PALM2AKAP2: variants seen among roughly 807,000 people sequenced by gnomAD.
PALM2AKAP2 encodes the protein PALM2-AKAP2 fusion protein.
In PALM2AKAP2, 37 loss-of-function variants were observed where a neutral mutation model predicts 71.5. The observed-to-expected ratio is 0.52, with a 90% confidence interval of 0.40 to 0.68. PALM2AKAP2 has a LOEUF of 0.68. Among genes scored for constraint, PALM2AKAP2 ranks in the 30% least tolerant of loss-of-function variants. The pLI, the probability that PALM2AKAP2 is intolerant of heterozygous loss-of-function variation, is 0.00. For synonymous variants in PALM2AKAP2, 468 were observed against 478.8 expected (o/e 0.98, Z 0.29); for missense variants, 1,224 against 1,191.8 (o/e 1.03, Z -0.40).
chr9:109,823,306 T>C (rs1828060348), intron 1 of PALM2AKAP2, among the ~76,000 whole-genome samples: 1 of 152,140 alleles, frequency 6.6e-6, no homozygotes, highest in Non-Finnish European at 1.5e-5. Context: ...CATGGGAGGA[T>C]ATGGTTCTGA....
chr9:109,756,528 G>A (rs1265805002), intron 1 of PALM2AKAP2, among the ~76,000 whole-genome samples: 3 of 152,124 alleles, frequency 2.0e-5, no homozygotes, highest in Admixed American at 6.6e-5. Flanking sequence ...AATTTTATCA[G>A]TTTGTTCTTT....
chr9:110,047,509 A>C (rs1049368953), upstream of PALM2AKAP2, among the ~76,000 whole-genome samples: 1 of 152,206 alleles, frequency 6.6e-6, no homozygotes, highest in Non-Finnish European at 1.5e-5. Flanking sequence ...TGTGTTTCAC[A>C]TGTAAAATTG....
At position 110,022,921 on chromosome 9, in the gene PALM2AKAP2, T is replaced by C. The variant is rs534189666; in HGVS notation, c.582+6882T>C. On this transcript the variant is annotated intron_variant, in intron 7 of 9. Coordinates refer to the PALM2AKAP2 transcript ENST00000302798. ...AAGGACATGAACTCTTCATTTTTTA[T>C]GGCTGCATAGTATTCCATGGTGTAT... Among the ~76,000 whole-genome samples the C allele has an allele frequency of 2.8e-4, 43 of 152,354 alleles. 2 individuals are homozygous for C. In the South Asian group the frequency reaches 5.8e-3, roughly 21 times the overall value.
At chr9:109,771,379 G>C (rs1265089216) in intron 1 of PALM2AKAP2, among the ~76,000 whole-genome samples, 1 of 152,174 alleles carries the variant, frequency 6.6e-6, no homozygotes, top group Non-Finnish European at 1.5e-5. Flanking sequence ...CACCAAATTT[G>C]GAATGGGACG....
At chr9:109,792,716 A>G (rs539351855) in intron 1 of PALM2AKAP2, among the ~76,000 whole-genome samples, 1 of 152,126 alleles carries the variant, frequency 6.6e-6, no homozygotes, top group South Asian at 2.1e-4. Context: ...ACCCTACCAT[A>G]CCTATATAAC....
chr9:109,838,458 A>G (rs910278419), intron 1 of PALM2AKAP2, among the ~76,000 whole-genome samples: 6 of 152,344 alleles, frequency 3.9e-5, no homozygotes, highest in Admixed American at 3.3e-4. Context: ...TAACATCACA[A>G]TTAAAAGAAC....
chr9:109,977,173 A>T (rs1832187725), intron 6 of PALM2AKAP2, among the ~76,000 whole-genome samples: 1 of 152,132 alleles, frequency 6.6e-6, no homozygotes, highest in Admixed American at 6.5e-5. Context: ...TATCACATTG[A>T]CTCTCAGCAA....
At chr9:109,831,767 A>T (rs1176560770) in intron 1 of PALM2AKAP2, among the ~76,000 whole-genome samples, 1 of 152,194 alleles carries the variant, frequency 6.6e-6, no homozygotes, top group East Asian at 1.9e-4. Context: ...CATTCCTCTG[A>T]TGGGGCAACT....
intron 1 of PALM2AKAP2, among the ~76,000 whole-genome samples, chr9:109,689,200 C>CTTTTTTTTTTTTTTTT (rs200092612): frequency 1.5e-5 from 2 of 134,148 alleles, no homozygotes; most frequent in Admixed American, 7.6e-5. Context: ...TTTTTCTTTT[C>CTTTTTTTTTTTTTTTT]TTTTTTTTTT....
intron 1 of PALM2AKAP2, among the ~76,000 whole-genome samples, chr9:109,662,358 TGA>T (rs946987172): frequency 6.6e-6 from 1 of 152,230 alleles, no homozygotes; most frequent in Non-Finnish European, 1.5e-5. Flanking sequence ...CCTTGTTTTT[TGA>T]GAGTTTTTAG....
chr9:110,005,444 G>A (rs989628373), intron 6 of PALM2AKAP2, among the ~76,000 whole-genome samples: 1 of 152,230 alleles, frequency 6.6e-6, no homozygotes, highest in Non-Finnish European at 1.5e-5. Flanking sequence ...CTCCTGGGGG[G>A]TGCCTCCCAG....
chr9:109,938,716 A>G (rs1035718216), intron 6 of PALM2AKAP2, among the ~76,000 whole-genome samples: 6 of 152,124 alleles, frequency 3.9e-5, no homozygotes, highest in African/African-American at 9.7e-5. Context: ...TTCTTTAACT[A>G]TTTCTCCTGA....
intron 3 of PALM2AKAP2, among the ~76,000 whole-genome samples, chr9:109,892,847 A>G (rs1830117382): frequency 6.6e-6 from 1 of 152,198 alleles, no homozygotes; most frequent in African/African-American, 2.4e-5. Context: ...CAAGATATGC[A>G]AAGAGTACCC....
At chr9:110,151,199 AT>A (rs1221895888) in intron 2 of PALM2AKAP2, among the ~76,000 whole-genome samples, 7 of 151,876 alleles carry the variant, frequency 4.6e-5, no homozygotes, top group Non-Finnish European at 8.8e-5. Context: ...TTACTTTAAA[AT>A]TTTTTTCCCC....
chr9:110,133,285 C>G (rs1011952796), intron 1 of PALM2AKAP2, among the ~76,000 whole-genome samples: 5 of 152,176 alleles, frequency 3.3e-5, no homozygotes, highest in Admixed American at 6.5e-5. Flanking sequence ...ATCACTCCTT[C>G]CTCTGTGATT....
At chr9:109,738,308 A>G (rs1276557912) in intron 1 of PALM2AKAP2, among the ~76,000 whole-genome samples, 1 of 152,222 alleles carries the variant, frequency 6.6e-6, no homozygotes, top group Non-Finnish European at 1.5e-5. Context: ...TGGAGAAACG[A>G]CAGCTGCCAC....
chr9:110,057,798 C>T (rs1833878532), intron 1 of PALM2AKAP2, among the ~76,000 whole-genome samples: 1 of 152,190 alleles, frequency 6.6e-6, no homozygotes, highest in Admixed American at 6.5e-5. Flanking sequence ...AGCCCCATCC[C>T]AGACCTACTT....
chr9:109,689,725 C>A (rs1043895098), intron 1 of PALM2AKAP2, among the ~76,000 whole-genome samples: 2 of 152,184 alleles, frequency 1.3e-5, no homozygotes, highest in African/African-American at 4.8e-5. Context: ...CTGTAAATCC[C>A]AGCCTGGGGA....
chr9:109,728,112 C>G (rs1828502446), intron 1 of PALM2AKAP2, among the ~76,000 whole-genome samples: 1 of 152,182 alleles, frequency 6.6e-6, no homozygotes, highest in South Asian at 2.1e-4. Flanking sequence ...CAAGGGTATT[C>G]TAGGTGAGAA....
Sources: gnomAD v4.1 joint callset for allele counts (sites outside exome capture counted in the v4.1 genomes callset) on GRCh38, gnomAD v4.1.1 for gene constraint, MANE v1.5 for transcripts, NCBI Gene and HGNC (gene_info 2026-07-23, HGNC 2026-07-21) for gene names.